Variants in DNAH5 observed in about 807,000 individuals in gnomAD.
DNAH5 encodes the protein dynein axonemal heavy chain 5.
DNAH5 carries 372 observed loss-of-function variants against 518.2 expected under a neutral mutation model. That is an observed-to-expected ratio of 0.72 (90% confidence interval 0.66 to 0.78). DNAH5 has a LOEUF of 0.78. Ranked by LOEUF, DNAH5 falls within the 30% of genes least tolerant of loss-of-function variation. DNAH5 has a pLI of 0.00. For missense variants in DNAH5, 5,523 were observed against 5,687.0 expected (o/e 0.97, Z 0.93); for synonymous variants, 2,039 against 2,025.9 (o/e 1.01, Z -0.17).
chr5:13,837,775 T>G (rs1764602563), intron 35 of DNAH5, among the ~76,000 whole-genome samples: 1 of 143,646 alleles, frequency 7.0e-6, no homozygotes, highest in African/African-American at 2.5e-5. Flanking sequence ...TGATCTTGTC[T>G]CACTGCAACC....
Position 13,717,254 on chromosome 5 carries a change from G to A in DNAH5, c.12705+61C>T, listed in dbSNP as rs148373144. ...ATTTACGCCAAAGCTAGGAGGTCCC[G>A]TGAGCTTGATGGCCCAAGCCCACAG... is the stretch of plus-strand genomic sequence containing the variant. On this transcript the variant is annotated intron_variant, in intron 73 of 78. Coordinates refer to ENST00000265104, the MANE Select transcript of DNAH5 (RefSeq NM_001369.3). 756 of 1,487,144 alleles carry A rather than the reference G, an allele frequency of 5.1e-4. 10 individuals are homozygous for A. The East Asian group carries it at 0.016, about 32-fold the overall frequency. 92.1% of individuals were successfully genotyped at this position (1,487,144 alleles called of 1,614,324 possible).
Position 13,901,089 on chromosome 5 carries a change from A to C in DNAH5, c.2052+163T>G, listed in dbSNP as rs567340876. ...TGGTTTCTTTTCAAATCTAATAATT[A>C]TTTTTCTTTGTGGACATATTACACT... is the stretch of plus-strand genomic sequence containing the variant. On this transcript the variant is annotated intron_variant, in intron 14 of 78. Transcript: ENST00000265104. Among the ~76,000 whole-genome samples the C allele has an allele frequency of 2.0e-5, 3 of 152,218 alleles. No homozygotes were observed. In the South Asian group the frequency reaches 6.2e-4, roughly 32 times the overall value.
Position 13,923,557 on chromosome 5 carries a change from G to C in DNAH5, c.278-117C>G, listed in dbSNP as rs1389050277. 4 of 1,105,878 alleles carry C rather than the reference G, an allele frequency of 3.6e-6. No homozygotes were observed. In the Admixed American group the frequency reaches 5.9e-5, roughly 16 times the overall value. The allele number at this position is 1,105,878 out of a possible 1,614,324, so 68.5% of individuals were successfully genotyped here. ...ATTGTTGACTTGTCCATGTGCCTTAGATGGGTCCACCTCTTGAACAATCTC... is the reference window on the plus strand; with the variant it reads ...ATTGTTGACTTGTCCATGTGCCTTACATGGGTCCACCTCTTGAACAATCTC... On this transcript the variant is annotated intron_variant, in intron 3 of 78. Transcript: ENST00000265104.
rs192269934 is a variant in DNAH5, at chr5:13,783,589, G to A, written c.8820+2590C>T. 2.3e-3 allele frequency among the ~76,000 whole-genome samples: 355 copies of A among 152,218 alleles called. 2 individuals are homozygous for A. Among genetic ancestry groups the A allele is most frequent in the African/African-American group, 8.0e-3 (331 of 41,548 alleles). On this transcript the variant is annotated intron_variant, in intron 52 of 78. Coordinates refer to ENST00000265104, the MANE Select transcript of DNAH5 (RefSeq NM_001369.3). ...AGAGCATGACTCGGGAGGCTGGCTG[G>A]TAAGCAGGAACTAGATCATGCAAAA... is the stretch of plus-strand genomic sequence containing the variant.
chr5:13,909,455 A>G (rs1326782039), intron 12 of DNAH5, among the ~76,000 whole-genome samples: 1 of 152,106 alleles, frequency 6.6e-6, no homozygotes, highest in Non-Finnish European at 1.5e-5. Context: ...CATGAAAAAT[A>G]TAACCACACA....
intron 3 of DNAH5, among the ~76,000 whole-genome samples, chr5:13,924,457 C>T (rs1365102569): frequency 6.6e-6 from 1 of 152,104 alleles, no homozygotes; most frequent in Non-Finnish European, 1.5e-5. Flanking sequence ...GGGTGAATCA[C>T]CTAAGGTCGG....
chr5:13,842,472 A>AAAGAAAGAAAGG (rs1765389732), intron 32 of DNAH5, among the ~76,000 whole-genome samples: 2 of 120,592 alleles, frequency 1.7e-5, no homozygotes, highest in African/African-American at 6.8e-5. Context: ...AGAAAGAAAG[A>AAAGAAAGAAAGG]AAGAAAGAAA....
intron 42 of DNAH5, 136 bp from the exon 43 acceptor site, chr5:13,814,982 A>G (rs1761265484): frequency 2.3e-6 from 2 of 863,750 alleles, no homozygotes; most frequent in South Asian, 3.4e-5. Flanking sequence ...TTTGCTCCAA[A>G]TGATTACCTT....
chr5:13,793,776 C>T (rs188426180), intron 48 of DNAH5, 48 bp from the exon 49 acceptor site: 33 of 1,588,072 alleles, frequency 2.1e-5, no homozygotes, highest in Middle Eastern at 1.7e-4. Flanking sequence ...TTTCTATCCC[C>T]GGAGCCTAAC....
intron 70 of DNAH5, among the ~76,000 whole-genome samples, chr5:13,725,396 A>G (rs1745584540): frequency 6.6e-6 from 1 of 152,218 alleles, no homozygotes; most frequent in Non-Finnish European, 1.5e-5. Context: ...AGAGCAAGTC[A>G]CTGGCTAGGG....
At chr5:13,915,211 T>G (rs6874270) in intron 9 of DNAH5, among the ~76,000 whole-genome samples, 66,342 of 151,900 alleles carry the variant, frequency 0.44, 15,280 homozygotes, top group East Asian at 0.85. Flanking sequence ...GCTGTATCCA[T>G]GGAAAGATAT....
At chr5:13,869,970 T>C (rs978004298) in intron 24 of DNAH5, among the ~76,000 whole-genome samples, 46 of 152,266 alleles carry the variant, frequency 3.0e-4, no homozygotes, top group African/African-American at 1.1e-3. Context: ...ACTGTCTTTT[T>C]TGCCATTGCT....
At chr5:13,913,116 G>GA (rs1477188210) in intron 11 of DNAH5, among the ~76,000 whole-genome samples, 3 of 151,802 alleles carry the variant, frequency 2.0e-5, no homozygotes, top group South Asian at 2.1e-4. Context: ...CCCCAAAAAA[G>GA]AAAAAAATTG....
At chr5:13,714,871 G>A (rs1175914569) in intron 74 of DNAH5, among the ~76,000 whole-genome samples, 2 of 152,300 alleles carry the variant, frequency 1.3e-5, no homozygotes, top group South Asian at 4.2e-4. Flanking sequence ...TTAATCAAGA[G>A]AGACTGTCTT....
chr5:13,973,493 C>G (rs1434299929), intron 1 of DNAH5, among the ~76,000 whole-genome samples: 1 of 152,176 alleles, frequency 6.6e-6, no homozygotes, highest in African/African-American at 2.4e-5. Context: ...GGGGATGGCC[C>G]TGCCAGCTGA....
upstream of DNAH5, among the ~76,000 whole-genome samples, chr5:13,946,382 G>T (rs189518404): frequency 3.3e-5 from 5 of 152,166 alleles, no homozygotes; most frequent in East Asian, 9.7e-4. Flanking sequence ...CAACCCCTCG[G>T]GCAAGGTAGA....
Position 13,981,022 on chromosome 5 carries a change from T to C in DNAH5, c.12+30626A>G, listed in dbSNP as rs373030108. ...GTGAGCCAACTTCTGATCCCCACTA[T>C]ATAAAGTAGCAAGCCCTGACTCCCA... is the stretch of plus-strand genomic sequence containing the variant. On this transcript the variant is annotated intron_variant, in intron 1 of 78. Coordinates refer to the DNAH5 transcript ENST00000681290. 3.9e-5 allele frequency among the ~76,000 whole-genome samples: 6 copies of C among 152,192 alleles called. No homozygotes were observed. The East Asian group carries it at 9.6e-4, about 24-fold the overall frequency.
At chr5:13,759,482 G>A (rs973521129) in intron 60 of DNAH5, among the ~76,000 whole-genome samples, 6 of 152,184 alleles carry the variant, frequency 3.9e-5, no homozygotes, top group Non-Finnish European at 8.8e-5. Flanking sequence ...TGCCTAGCAG[G>A]ACTCATCACT....
chr5:13,783,733 C>T (rs566710885), intron 52 of DNAH5, among the ~76,000 whole-genome samples: 58 of 152,298 alleles, frequency 3.8e-4, no homozygotes, highest in African/African-American at 1.0e-3. Flanking sequence ...TAGGCTTGGT[C>T]TCATATCATA....
Sources: allele counts gnomAD v4.1 joint callset (sites outside exome capture counted in the v4.1 genomes callset), GRCh38; gene constraint gnomAD v4.1.1; transcripts MANE v1.5; gene names NCBI Gene and HGNC (gene_info 2026-07-23, HGNC 2026-07-21).